Variants in DDX46 observed in about 807,000 individuals in gnomAD.
The protein encoded by DDX46 is probable ATP-dependent RNA helicase DDX46.
DDX46 carries 30 observed loss-of-function variants against 134.9 expected under a neutral mutation model. The ratio of observed to expected loss-of-function variants is 0.22; its 90% CI spans 0.17 to 0.30. The LOEUF is 0.30. Among genes scored for constraint, DDX46 ranks in the 10% least tolerant of loss-of-function variants. The probability of loss-of-function intolerance (pLI) is 1.00; values close to 1 mark genes in which losing one functional copy is unlikely to be tolerated. For synonymous variants in DDX46, 415 were observed against 404.1 expected (o/e 1.03, Z -0.32); for missense variants, 622 against 1,248.7 (o/e 0.50, Z 7.56).
chr5:134,824,579 CA>C (rs910382182), intron 21 of DDX46, among the ~76,000 whole-genome samples: 2 of 149,776 alleles, frequency 1.3e-5, no homozygotes, highest in African/African-American at 4.9e-5. Flanking sequence ...AACTCTGTCT[CA>C]AAAAAAAGAA....
rs1016306630 is a variant in DDX46 at position 134,829,715 on chromosome 5, T to G, written c.*1009T>G. On this transcript the variant is annotated 3_prime_UTR_variant, in exon 23 of 23. Coordinates refer to ENST00000452510, the MANE Select transcript of DDX46 (RefSeq NM_001300860.2). ...TGACTCACACCTGTATCCCAGCAAT[T>G]TGGGAGGCCGAGGTGGGCAGATCAC... The G allele has an allele frequency of 6.6e-6, 1 of 152,080 alleles. No individual in the cohort carries two copies. Among genetic ancestry groups the G allele is most frequent in the African/African-American group, 2.4e-5 (1 of 41,398 alleles). 9.4% of individuals were successfully genotyped at this position (152,080 alleles called of 1,614,324 possible).
At chr5:134,784,615 A>G in intron 10 of DDX46, 74 bp downstream of exon 10, 1 of 1,431,980 alleles carries the variant, frequency 7.0e-7, no homozygotes, top group Non-Finnish European at 9.3e-7. Context: ...ATAGTTTATA[A>G]TGTTCTTAAT....
chr5:134,794,772 T>G, intron 13 of DDX46, 78 bp from the exon 14 acceptor site: 1 of 1,540,352 alleles, frequency 6.5e-7, no homozygotes, highest in Non-Finnish European at 8.8e-7. Context: ...CAAAAGTTCC[T>G]TTTACTTGGT....
Position 134,818,013 on chromosome 5 carries a change from G to A in DDX46, c.2832+299G>A, listed in dbSNP as rs182192053. ...CGCCTAGGCTGGGGTACAATGGTGC[G>A]ATCTCGACTCACCTCAACCTCCGCC... On this transcript the variant is annotated intron_variant, in intron 20 of 22. Transcript: ENST00000452510. Among the ~76,000 whole-genome samples, 7 of 150,508 alleles carry A rather than the reference G, an allele frequency of 4.7e-5. 1 individual carries two copies. The East Asian group carries it at 1.2e-3, about 25-fold the overall frequency.
At chr5:134,793,902 A>G (rs1754578230) in intron 13 of DDX46, among the ~76,000 whole-genome samples, 2 of 152,142 alleles carry the variant, frequency 1.3e-5, no homozygotes, top group South Asian at 4.2e-4. Context: ...GGTATTCTCT[A>G]TGTGTGGTTA....
intron 14 of DDX46, among the ~76,000 whole-genome samples, 166 bp from the exon 15 acceptor site, chr5:134,795,822 G>A (rs577459807): frequency 3.8e-4 from 58 of 152,282 alleles, no homozygotes; most frequent in African/African-American, 1.4e-3. Context: ...AACCCTGAAA[G>A]TTTACAATTT....
chr5:134,799,503 T>A (rs1320577205), intron 15 of DDX46, among the ~76,000 whole-genome samples: 1 of 151,484 alleles, frequency 6.6e-6, no homozygotes, highest in African/African-American at 2.4e-5. Flanking sequence ...TTTGGGAGGT[T>A]GAGGCGGGTG....
intron 1 of DDX46, among the ~76,000 whole-genome samples, chr5:134,760,799 G>C (rs1313825052): frequency 1.3e-5 from 2 of 151,912 alleles, no homozygotes; most frequent in Non-Finnish European, 2.9e-5. Flanking sequence ...GTGGGATCTC[G>C]GCTCACTGCA....
chr5:134,812,384 A>T (rs1249821941), intron 18 of DDX46, among the ~76,000 whole-genome samples: 1 of 151,946 alleles, frequency 6.6e-6, no homozygotes, highest in Middle Eastern at 3.2e-3. Flanking sequence ...AAAAGTCTTT[A>T]ACGAATCTTG....
At position 134,830,986 on chromosome 5, in the gene DDX46, C is replaced by T. The variant is rs1443588728; in HGVS notation, c.*2280C>T. On this transcript the variant is annotated 3_prime_UTR_variant, in exon 23 of 23. Transcript: ENST00000452510. ...TTTTGTTCTAAAATGAAACATATTA[C>T]TTTGTTAGTACATTTTTTAGTGTCA... is the stretch of plus-strand genomic sequence containing the variant. 1 of 152,354 alleles carries T rather than the reference C, an allele frequency of 6.6e-6. No homozygotes were observed. The highest frequency in any genetic ancestry group is 1.5e-5 in the Non-Finnish European group (1 of 67,982). The allele number at this position is 152,354 out of a possible 1,614,324, so 9.4% of individuals were successfully genotyped here. A position where few individuals can be genotyped will look rare whatever the true frequency, so the allele number is the denominator to read the frequency against.
chr5:134,794,999 T>C lies in DDX46; in HGVS notation c.1776T>C (p.Asp592=). ...QVGGRSVVCS[D]VEQQVIVIEE... is the part of the protein sequence containing the mutation. ...GAGGCAGGAGTGTGGTTTGCTCAGA[T>C]GTGGAGCAACAAGTGGTGGGTACCA... Residue 592 remains aspartate, a synonymous_variant, in exon 14 of 23, where the codon GAT becomes GAC. Transcript: ENST00000452510. 1.9e-6 allele frequency: 3 copies of C among 1,614,130 alleles called. No homozygotes were observed. Among genetic ancestry groups the C allele is most frequent in the Non-Finnish European group, 2.5e-6 (3 of 1,180,014 alleles).
intron 6 of DDX46, among the ~76,000 whole-genome samples, chr5:134,780,383 G>C (rs983809513): frequency 6.6e-6 from 1 of 150,488 alleles, no homozygotes; most frequent in Non-Finnish European, 1.5e-5. Context: ...CTGCCAACAT[G>C]ATGAAACCCT....
In DDX46 at chr5:134,816,570, C is replaced by T. The variant is rs1255483050; in HGVS notation, c.2577C>T (p.Ile859=). 6.2e-7 allele frequency: 1 copy of T among 1,613,684 alleles called. No homozygotes were observed. Among genetic ancestry groups the T allele is most frequent in the Admixed American group, 1.7e-5 (1 of 59,960 alleles). Residue 859 remains isoleucine, a synonymous_variant, in exon 19 of 23, where the codon ATC becomes ATT. Coordinates refer to ENST00000452510, the MANE Select transcript of DDX46 (RefSeq NM_001300860.2). The stretch of plus-strand genomic sequence containing the variant: ...TTGCTAAGAGATTGGCTCTTAGAAT[C>T]AATGCCCAGAAGAATTTGGGCATCG... ...LEIAKRLALR[I]NAQKNLGIES... is the part of the protein sequence containing the mutation.
chr5:134,805,686 G>A (rs968695041), intron 15 of DDX46, among the ~76,000 whole-genome samples: 13 of 151,700 alleles, frequency 8.6e-5, no homozygotes, highest in Admixed American at 6.6e-5. Context: ...CTGCCACCAT[G>A]CCTGGTTAAT....
chr5:134,790,471 T>A lies in DDX46; in HGVS notation c.1545T>A (p.Gly515=), dbSNP rs758813135. The part of the protein sequence containing the change: ...RMIDMLAANS[G]RVTNLRRVTY... ...TCTTTATTTTTCTTTTCATCTTAGG[T>A]CGGGTCACAAATCTTCGAAGAGTGA... The change falls in exon 13 of 23, where the codon GGT becomes GGA. Residue 515 remains glycine (G), a splice_region_variant and synonymous_variant. Transcript: ENST00000452510. 1 of 1,608,558 alleles carries A rather than the reference T, an allele frequency of 6.2e-7. No homozygotes were observed. The highest frequency in any genetic ancestry group is 1.1e-5 in the South Asian group (1 of 89,144).
chr5:134,813,324 A>G (rs1371010287), intron 18 of DDX46, among the ~76,000 whole-genome samples: 1 of 152,234 alleles, frequency 6.6e-6, no homozygotes, highest in Non-Finnish European at 1.5e-5. Flanking sequence ...TTATTATCAC[A>G]TAGTTCCTTA....
chr5:134,768,439 T>G (rs1213854357), intron 3 of DDX46, among the ~76,000 whole-genome samples: 1 of 151,128 alleles, frequency 6.6e-6, no homozygotes, highest in East Asian at 1.9e-4. Context: ...TCTAGGGATA[T>G]CTAGTATCCT....
intron 8 of DDX46, 90 bp from the exon 9 acceptor site, chr5:134,782,855 T>A: frequency 6.6e-7 from 1 of 1,507,680 alleles, no homozygotes; most frequent in Admixed American, 2.0e-5. Flanking sequence ...GCATAAGAGT[T>A]AAAGTTTGTT....
chr5:134,800,601 A>T (rs902827861), intron 15 of DDX46, among the ~76,000 whole-genome samples: 1 of 152,144 alleles, frequency 6.6e-6, no homozygotes. Flanking sequence ...TCGTGTCCCT[A>T]TAAAGGTAAT....
Sources: gnomAD v4.1 joint callset for allele counts (sites outside exome capture counted in the v4.1 genomes callset) on GRCh38, gnomAD v4.1.1 for gene constraint, MANE v1.5 for transcripts, NCBI Gene and HGNC (gene_info 2026-07-23, HGNC 2026-07-21) for gene names.